Variants in GREB1L observed in about 807,000 individuals in gnomAD.
The protein encoded by GREB1L is GREB1 like retinoic acid receptor coactivator.
Under a neutral mutation model 200.8 loss-of-function variants are expected in GREB1L, and 17 were observed. The ratio of observed to expected loss-of-function variants is 0.08; its 90% CI spans 0.06 to 0.13. The LOEUF is 0.13. Among genes scored for constraint, GREB1L ranks in the 10% least tolerant of loss-of-function variants. GREB1L has a pLI of 1.00. For missense variants in GREB1L, 1,657 were observed against 2,367.7 expected, an observed-to-expected ratio of 0.70 and a Z score of 6.23; for synonymous variants, 789 against 893.0, an observed-to-expected ratio of 0.88 and a Z score of 2.08.
intron 17 of GREB1L, 118 bp downstream of exon 17, chr18:21,477,474 C>T (rs2035747257): frequency 4.9e-6 from 4 of 813,716 alleles, no homozygotes; most frequent in Non-Finnish European, 5.3e-6. Flanking sequence ...CAAAATCTAA[C>T]GTAATGCTTT....
At chr18:21,435,017 C>G (rs291787) in intron 7 of GREB1L, 152,183 of 152,808 alleles carry the variant, frequency 1, 75,783 homozygotes, top group Middle Eastern at 1. Flanking sequence ...CCCGGAATAA[C>G]AATGTTGTGA....
chr18:21,323,567 G>T (rs1251916055), intron 1 of GREB1L, among the ~76,000 whole-genome samples: 1 of 152,076 alleles, frequency 6.6e-6, no homozygotes, highest in African/African-American at 2.4e-5. Context: ...AGCTACTACT[G>T]GTTTTCTTCA....
chr18:21,434,765 T>A (rs753126071), intron 7 of GREB1L, among the ~76,000 whole-genome samples: 75 of 152,078 alleles, frequency 4.9e-4, no homozygotes, highest in Non-Finnish European at 9.0e-4. Context: ...CTAGTGAGTG[T>A]TTGTTAAATA....
chr18:21,250,483 C>A (rs1203781227), intron 1 of GREB1L, among the ~76,000 whole-genome samples: 3 of 152,138 alleles, frequency 2.0e-5, no homozygotes, highest in African/African-American at 7.2e-5. Flanking sequence ...AGTGTCTTCC[C>A]AGGTGGTTTT....
chr18:21,470,795 G>C (rs1282029497), intron 15 of GREB1L, among the ~76,000 whole-genome samples: 1 of 152,128 alleles, frequency 6.6e-6, no homozygotes, highest in East Asian at 1.9e-4. Flanking sequence ...AATGGAAGCA[G>C]TGAATTAAAG....
At chr18:21,452,455 T>TTTTTCTCTGAAAGTCA (rs2034572752) in intron 14 of GREB1L, 1 of 452,194 alleles carries the variant, frequency 2.2e-6, no homozygotes, top group Non-Finnish European at 3.9e-6. Context: ...GACTTTATCT[T>TTTTTCTCTGAAAGTCA]AAGCACTCTC....
chr18:21,451,182 C>T, intron 13 of GREB1L, 31 bp downstream of exon 13: 1 of 1,548,390 alleles, frequency 6.5e-7, no homozygotes, highest in Non-Finnish European at 8.7e-7. Flanking sequence ...GCAACACTGG[C>T]AGCCCCTAGT....
At chr18:21,274,841 T>C (rs2038135823) in intron 1 of GREB1L, among the ~76,000 whole-genome samples, 1 of 152,022 alleles carries the variant, frequency 6.6e-6, no homozygotes, top group Non-Finnish European at 1.5e-5. Flanking sequence ...GAACTATGAG[T>C]GCGCTACTGC....
chr18:21,474,549 C>T (rs139277275), intron 16 of GREB1L, among the ~76,000 whole-genome samples: 84 of 152,254 alleles, frequency 5.5e-4, no homozygotes, highest in Non-Finnish European at 1.1e-3. Context: ...TTCTGTGTAC[C>T]CACAGGCTCA....
rs1040358158 is a variant in GREB1L at position 21,523,038 on chromosome 18, C to G, written c.*217C>G. 6.6e-6 allele frequency: 3 copies of G among 457,398 alleles called. No individual in the cohort carries two copies. Among genetic ancestry groups the G allele is most frequent in the Non-Finnish European group, 1.2e-5 (3 of 260,042 alleles). 28.3% of individuals were successfully genotyped at this position (457,398 alleles called of 1,614,324 possible). On this transcript the variant is annotated 3_prime_UTR_variant, in exon 33 of 33. Coordinates refer to ENST00000424526, the MANE Select transcript of GREB1L (RefSeq NM_001142966.3). ...CAGGACCCTTAAATTCAGGTAAACT[C>G]TATCCTAGGCAGTTATGCAATTACT...
chr18:21,325,520 T>C (rs1211445242), intron 1 of GREB1L, among the ~76,000 whole-genome samples: 1 of 151,950 alleles, frequency 6.6e-6, no homozygotes, highest in Non-Finnish European at 1.5e-5. Flanking sequence ...TTTAGTAAAT[T>C]ATAATAAACT....
chr18:21,274,372 C>A (rs2038127645), intron 1 of GREB1L, among the ~76,000 whole-genome samples: 1 of 151,822 alleles, frequency 6.6e-6, no homozygotes, highest in South Asian at 2.1e-4. Flanking sequence ...ATAGCAAATA[C>A]CAAGTATATA....
rs527488967 is a variant in GREB1L, at chr18:21,389,993, A to G, written c.356-5392A>G. Among the ~76,000 whole-genome samples, 9 of 152,366 alleles carry G rather than the reference A, an allele frequency of 5.9e-5. No individual in the cohort carries two copies. The South Asian group carries it at 1.4e-3, about 25-fold the overall frequency. ...GAGGAAGGTGAAACAGTATACAGTC[A>G]TGTGCCAAATAACACCATTTCGGTC... On this transcript the variant is annotated intron_variant, in intron 4 of 32. Coordinates refer to ENST00000424526, the MANE Select transcript of GREB1L (RefSeq NM_001142966.3).
chr18:21,516,347 T>C (rs767926752), intron 29 of GREB1L, among the ~76,000 whole-genome samples: 3 of 152,194 alleles, frequency 2.0e-5, no homozygotes, highest in Non-Finnish European at 2.9e-5. Context: ...GTGTATCAAA[T>C]AGGAATATAG....
intron 4 of GREB1L, among the ~76,000 whole-genome samples, chr18:21,393,745 A>G (rs2040928086): frequency 6.6e-6 from 1 of 151,980 alleles, no homozygotes; most frequent in Non-Finnish European, 1.5e-5. Flanking sequence ...TGTATTTTTA[A>G]TAGAGAAGGG....
chr18:21,337,757 C>A (rs1180341712), intron 1 of GREB1L, among the ~76,000 whole-genome samples: 2 of 152,008 alleles, frequency 1.3e-5, no homozygotes, highest in Non-Finnish European at 2.9e-5. Flanking sequence ...GAGGCCGAGG[C>A]GGGTAGATCA....
intron 1 of GREB1L, among the ~76,000 whole-genome samples, chr18:21,252,557 GAAA>G (rs144115588): frequency 1.3e-5 from 1 of 77,434 alleles, no homozygotes; most frequent in Non-Finnish European, 2.7e-5. Context: ...AACTCCATCT[GAAA>G]AAAAAAAAAA....
intron 1 of GREB1L, among the ~76,000 whole-genome samples, chr18:21,307,770 G>A (rs2038725590): frequency 6.6e-6 from 1 of 152,068 alleles, no homozygotes; most frequent in Non-Finnish European, 1.5e-5. Flanking sequence ...GGAGGAGTGA[G>A]GTCAGGCTCA....
intron 16 of GREB1L, among the ~76,000 whole-genome samples, chr18:21,475,026 A>G (rs2035630919): frequency 6.6e-6 from 1 of 152,194 alleles, no homozygotes; most frequent in African/African-American, 2.4e-5. Flanking sequence ...GGGTGGGGAA[A>G]CAGAGCCAAA....
Sources: allele counts gnomAD v4.1 joint callset (sites outside exome capture counted in the v4.1 genomes callset), GRCh38; gene constraint gnomAD v4.1.1; transcripts MANE v1.5; gene names NCBI Gene and HGNC (gene_info 2026-07-23, HGNC 2026-07-21).